CNTRL: variants seen among roughly 807,000 people sequenced by gnomAD.
CNTRL encodes 110 kDa centrosomal protein.
CNTRL carries 233 observed loss-of-function variants against 303.7 expected under a neutral mutation model. That is an observed-to-expected ratio of 0.77 (90% CI 0.69 to 0.86). CNTRL has a LOEUF of 0.86. Among genes scored for constraint, CNTRL ranks in the 40% least tolerant of loss-of-function variants. The pLI, the probability that CNTRL is intolerant of heterozygous loss-of-function variation, is 0.00. For synonymous variants in CNTRL, 900 were observed against 922.2 expected, an observed-to-expected ratio of 0.98 and a Z score of 0.44; for missense variants, 2,524 against 2,650.6, an observed-to-expected ratio of 0.95 and a Z score of 1.05.
intron 27 of CNTRL, 103 bp from the exon 28 acceptor site, chr9:121,157,367 C>T: frequency 8.5e-7 from 1 of 1,173,724 alleles, no homozygotes; most frequent in Admixed American, 2.4e-5. Context: ...TTATGTCTTT[C>T]TGTACCATCT....
intron 40 of CNTRL, 28 bp downstream of exon 40, chr9:121,171,576 A>G: frequency 6.2e-7 from 1 of 1,607,186 alleles, no homozygotes; most frequent in Non-Finnish European, 8.5e-7. Context: ...CCAGCTGGCC[A>G]GCCTGGGGAG....
chr9:121,077,266 G>C (rs145201274), intron 1 of CNTRL, among the ~76,000 whole-genome samples: 1 of 148,824 alleles, frequency 6.7e-6, no homozygotes, highest in Non-Finnish European at 1.5e-5. Context: ...TCCTTTACTC[G>C]CCCTAGCCTA....
chr9:121,090,308 C>T lies in CNTRL; in HGVS notation c.251C>T (p.Thr84Ile). 1 of 1,611,614 alleles carries T rather than the reference C, an allele frequency of 6.2e-7. No homozygotes were observed. ...ADSHAGVRYI[T>I]EALIKKLTKQ... ...TCACATGCAGGAGTTAGATATATTACAGAGGCCCTCATTAAAAAACTTACT... is the reference window on the plus strand; with the variant it reads ...TCACATGCAGGAGTTAGATATATTATAGAGGCCCTCATTAAAAAACTTACT... The change falls in exon 4 of 44, where the codon ACA (threonine) becomes ATA (isoleucine). Residue 84 changes from threonine (T) to isoleucine (I), a missense_variant. Physicochemically the swap from Thr to Ile is moderately conservative, Grantham distance 89. Coordinates refer to ENST00000373855, the MANE Select transcript of CNTRL (RefSeq NM_007018.6).
At chr9:121,136,904 A>C (rs2051228624) in intron 15 of CNTRL, among the ~76,000 whole-genome samples, 1 of 152,182 alleles carries the variant, frequency 6.6e-6, no homozygotes, top group African/African-American at 2.4e-5. Flanking sequence ...GTAGTCAGGG[A>C]AGACCACCCT....
In CNTRL at chr9:121,123,989, A is replaced by G. The variant is rs1411529579; in HGVS notation, c.1709A>G (p.Gln570Arg). The change falls in exon 13 of 44, where the codon CAG becomes CGG. Residue 570 changes from glutamine (Q) to arginine (R), a missense_variant. Physicochemically the swap from Gln to Arg is conservative, Grantham distance 43 (BLOSUM62 1). Coordinates refer to ENST00000373855, the MANE Select transcript of CNTRL (RefSeq NM_007018.6). ...KEQQLDIMNK[Q>R]YQQLESRLDE... ...CAACAGCTTGACATTATGAACAAGC[A>G]GTACCAACAACTTGAAAGTCGTTTG... 6.2e-7 allele frequency: 1 copy of G among 1,612,898 alleles called. No homozygotes were observed. The highest frequency in any genetic ancestry group is 8.5e-7 in the Non-Finnish European group (1 of 1,179,336).
intron 14 of CNTRL, among the ~76,000 whole-genome samples, chr9:121,126,635 T>C (rs765567303): frequency 5.2e-4 from 79 of 152,206 alleles, no homozygotes; most frequent in Non-Finnish European, 1.3e-4. Flanking sequence ...TGTCTACTCC[T>C]TTCCAGAAGT....
At chr9:121,083,928 C>T (rs1042282062) in intron 2 of CNTRL, among the ~76,000 whole-genome samples, 2 of 152,184 alleles carry the variant, frequency 1.3e-5, no homozygotes, top group Non-Finnish European at 2.9e-5. Context: ...TTATGTGATG[C>T]GTGACTGTAT....
At position 121,175,145 on chromosome 9, in the gene CNTRL, C is replaced by G. The variant is rs762072857; in HGVS notation, c.6875C>G (p.Ser2292Cys). 3 of 1,614,046 alleles carry G rather than the reference C, an allele frequency of 1.9e-6. No homozygotes were observed. The African/African-American group carries it at 4.0e-5, about 22-fold the overall frequency. ...DALGELVTSTSADSASSPSLS... is the reference protein window; with the variant it reads ...DALGELVTSTCADSASSPSLS... ...TTAGGGGAATTGGTCACCAGCACCT[C>G]TGCAGATTCAGCGTCATCACCCAGT... Residue 2292 changes from serine (S) to cysteine (C), a missense_variant, in exon 43 of 44, where the codon TCT becomes TGT. Transcript: ENST00000373855.
chr9:121,144,865 T>G lies in CNTRL; in HGVS notation c.3074T>G (p.Phe1025Cys). The G allele has an allele frequency of 6.2e-7, 1 of 1,613,284 alleles. No homozygotes were observed. Among genetic ancestry groups the G allele is most frequent in the African/African-American group, 1.3e-5 (1 of 74,994 alleles). The stretch of plus-strand genomic sequence containing the variant: ...TAGGAGTTGCAGGAAGCAGAGAGGT[T>G]CAGCAGAAAGGCAGCACAAGCAGCC... ...RAEELQEAER[F>C]SRKAAQAARD... The change falls in exon 21 of 44, where the codon TTC (phenylalanine) becomes TGC (cysteine). Residue 1025 changes from phenylalanine to cysteine, a missense_variant. Phe to Cys is a radical substitution (Grantham distance 205). Transcript: ENST00000373855.
At chr9:121,146,355 C>T in intron 23 of CNTRL, 99 bp downstream of exon 23, 1 of 1,212,758 alleles carries the variant, frequency 8.2e-7, no homozygotes, top group East Asian at 2.4e-5. Context: ...CCAAAAACAA[C>T]ATTTCTATGC....
At chr9:121,165,204 C>G (rs1237886686) in intron 35 of CNTRL, 104 bp downstream of exon 35, 2 of 1,120,908 alleles carry the variant, frequency 1.8e-6, no homozygotes, top group Non-Finnish European at 2.5e-6. Context: ...CATGGTGTTT[C>G]TTTCTAAAAT....
chr9:121,174,830 A>G (rs535141071), intron 42 of CNTRL, among the ~76,000 whole-genome samples, 188 bp from the exon 43 acceptor site: 5 of 152,288 alleles, frequency 3.3e-5, no homozygotes, highest in African/African-American at 1.2e-4. Context: ...GACAACACAG[A>G]AAAGTAAAGG....
intron 7 of CNTRL, among the ~76,000 whole-genome samples, chr9:121,101,727 C>G (rs1361657308): frequency 6.6e-6 from 1 of 152,106 alleles, no homozygotes; most frequent in African/African-American, 2.4e-5. Context: ...ATATCACCAC[C>G]AATCCCACAG....
intron 17 of CNTRL, among the ~76,000 whole-genome samples, chr9:121,141,139 G>C (rs1405012333): frequency 6.6e-6 from 1 of 152,172 alleles, no homozygotes; most frequent in Non-Finnish European, 1.5e-5. Flanking sequence ...TCAAATATAT[G>C]AAATGGACAT....
At chr9:121,174,387 T>C (rs1292995965) in intron 42 of CNTRL, among the ~76,000 whole-genome samples, 2 of 152,218 alleles carry the variant, frequency 1.3e-5, no homozygotes, top group African/African-American at 4.8e-5. Context: ...GTTATTTAAA[T>C]TTTAATAAAT....
chr9:121,121,864 G>C, intron 12 of CNTRL: 1 of 985,378 alleles, frequency 1.0e-6, no homozygotes, highest in African/African-American at 1.7e-5. Flanking sequence ...AAGTGCACAT[G>C]AATTTGAAGA....
chr9:121,094,660 A>AT (rs746827148), intron 4 of CNTRL, among the ~76,000 whole-genome samples: 16 of 152,186 alleles, frequency 1.1e-4, no homozygotes, highest in Admixed American at 6.5e-5. Flanking sequence ...GCTTCTTAGT[A>AT]TATAGACAAT....
Position 121,138,688 on chromosome 9 carries a change from T to C in CNTRL, c.2337+9T>C. Reference sequence around the variant, plus strand: ...AACTTAAACACTTGCAGGTAGAGATTTGTTGTTTTAGAATACATTCTTACA... The same window carrying C: ...AACTTAAACACTTGCAGGTAGAGATCTGTTGTTTTAGAATACATTCTTACA... On this transcript the variant is annotated intron_variant, in intron 16 of 43. Transcript: ENST00000373855. The C allele has an allele frequency of 6.2e-7, 1 of 1,612,620 alleles. No homozygotes were observed. The highest frequency in any genetic ancestry group is 2.2e-5 in the East Asian group (1 of 44,852).
chr9:121,107,666 C>A, intron 7 of CNTRL, 136 bp from the exon 8 acceptor site: 1 of 580,798 alleles, frequency 1.7e-6, no homozygotes, highest in Admixed American at 4.0e-5. Flanking sequence ...TTTCCAAAAC[C>A]ATGGTGGCTA....
Sources: allele counts gnomAD v4.1 joint callset (sites outside exome capture counted in the v4.1 genomes callset), GRCh38; gene constraint gnomAD v4.1.1; transcripts MANE v1.5; gene names NCBI Gene and HGNC (gene_info 2026-07-23, HGNC 2026-07-21).